The following LSS variants were observed in gnomAD, a reference collection of about 807,000 sequenced individuals.
LSS encodes lanosterol synthase.
LSS carries 90 observed loss-of-function variants against 110.3 expected under a neutral mutation model. The observed-to-expected ratio is 0.82, with a 90% CI of 0.69 to 0.97. LSS has a LOEUF of 0.97. Ranked by LOEUF, LSS falls within the 50% of genes least tolerant of loss-of-function variation. The probability of loss-of-function intolerance (pLI) is 0.00; values close to 1 mark genes in which losing one functional copy is unlikely to be tolerated. For missense variants in LSS, 927 were observed against 990.0 expected, an observed-to-expected ratio of 0.94 and a Z score of 0.85; for synonymous variants, 433 against 400.0, an observed-to-expected ratio of 1.08 and a Z score of -0.98.
intron 20 of LSS, chr21:46,192,667 A>G (rs1262287815): frequency 8.9e-6 from 4 of 447,248 alleles, no homozygotes; most frequent in Admixed American, 2.4e-5. Context: ...GCATGTGTAC[A>G]TGTGTGCATA....
rs755497204 is a variant in LSS at position 46,207,516 on chromosome 21, G to C, written c.1379C>G (p.Ala460Gly). ...GWIVSDCTAE[A>G]LKAVLLLQEK... is the part of the protein sequence containing the mutation. ...CTGCAGGAGCAGCACAGCCTTCAAG[G>C]CCTCAGCCGTGCAGTCAGAAACGAT... Residue 460 changes from alanine to glycine, a missense_variant, in exon 15 of 22, where the codon GCC becomes GGC. By Grantham distance (60) the Ala-to-Gly change is moderately conservative. Coordinates refer to ENST00000397728, the MANE Select transcript of LSS (RefSeq NM_002340.6). 6.2e-7 allele frequency: 1 copy of C among 1,612,250 alleles called. No individual in the cohort carries two copies.
At chr21:46,222,460 T>G in intron 4 of LSS, 170 bp downstream of exon 4, 1 of 599,752 alleles carries the variant, frequency 1.7e-6, no homozygotes, top group Non-Finnish European at 2.9e-6. Flanking sequence ...AGGCCCCACC[T>G]GCATGGCCTT....
At position 46,215,687 on chromosome 21, in the gene LSS, TATAC is replaced by T. The variant is rs1569031571; in HGVS notation, c.886_889del (p.Val296MetfsTer80). 2 of 1,608,934 alleles carry T rather than the reference TATAC, an allele frequency of 1.2e-6. No individual in the cohort carries two copies. Among genetic ancestry groups the T allele is most frequent in the South Asian group, 2.2e-5 (2 of 90,560 alleles). Reference sequence around the variant, plus strand: ...CCGGCCCCTCAGGAGGCGCTCACCATATACCACGCGGAGCAGCCAGCTGTGCGGC... The same window carrying T: ...CCGGCCCCTCAGGAGGCGCTCACCATCACGCGGAGCAGCCAGCTGTGCGGC... On this transcript the variant is annotated frameshift_variant, in exon 8 of 22. Coordinates refer to ENST00000397728, the MANE Select transcript of LSS (RefSeq NM_002340.6).
intron 4 of LSS, 54 bp downstream of exon 4, chr21:46,222,576 T>C: frequency 6.6e-7 from 1 of 1,506,858 alleles, no homozygotes; most frequent in Non-Finnish European, 9.2e-7. Flanking sequence ...ATCTCCTACA[T>C]CATGAGAACA....
At chr21:46,206,570 C>T (rs1601426679) in intron 16 of LSS, 102 bp downstream of exon 16, 6 of 1,001,514 alleles carry the variant, frequency 6.0e-6, no homozygotes, top group South Asian at 1.3e-5. Flanking sequence ...AACCTGGGCC[C>T]TTGCAGCCTC....
At chr21:46,192,881 A>G (rs1275567542) in intron 20 of LSS, 27 of 446,374 alleles carry the variant, frequency 6.0e-5, no homozygotes, top group Admixed American at 4.8e-4. Flanking sequence ...ATGTGTGCAC[A>G]GGTGCCTGTG....
rs960149969 is a variant in LSS at position 46,190,875 on chromosome 21, C to T, written c.*229G>A. On this transcript the variant is annotated 3_prime_UTR_variant, in exon 22 of 22. Coordinates refer to ENST00000397728, the MANE Select transcript of LSS (RefSeq NM_002340.6). This position sits in a 1 kb window ranked among gnomAD's most constrained non-coding sequence, Gnocchi z 4.6. ...CGGCTCCTGTGCCCCCTTCCTCACCCAAGCCCGACAAGCTACTTTCAGAAA... is the reference window on the plus strand; with the variant it reads ...CGGCTCCTGTGCCCCCTTCCTCACCTAAGCCCGACAAGCTACTTTCAGAAA... 1.8e-6 allele frequency: 1 copy of T among 547,622 alleles called. No individual in the cohort carries two copies. The highest frequency in any genetic ancestry group is 3.2e-6 in the Non-Finnish European group (1 of 316,744). 33.9% of individuals were successfully genotyped at this position (547,622 alleles called of 1,614,324 possible). A position where few individuals can be genotyped will look rare whatever the true frequency, so the allele number is the denominator to read the frequency against.
rs148512968 is a variant in LSS, at chr21:46,194,271, G to A, written c.1988+220C>T. ...GGTGGGTGGTTCACTTCTAAGAGGCGAGCCTCTCTGCAGGGCCCCACTTGG... is the reference window on the plus strand; with the variant it reads ...GGTGGGTGGTTCACTTCTAAGAGGCAAGCCTCTCTGCAGGGCCCCACTTGG... On this transcript the variant is annotated intron_variant, in intron 20 of 21. Coordinates refer to ENST00000397728, the MANE Select transcript of LSS (RefSeq NM_002340.6). 3.0e-3 allele frequency among the ~76,000 whole-genome samples: 454 copies of A among 152,290 alleles called. 2 individuals carry two copies. The highest frequency in any genetic ancestry group is 0.014 in the Middle Eastern group (4 of 294).
Position 46,189,592 on chromosome 21 carries a change from G to C in LSS, c.*1512C>G. On this transcript the variant is annotated 3_prime_UTR_variant, in exon 22 of 22. Coordinates refer to ENST00000397728, the MANE Select transcript of LSS (RefSeq NM_002340.6). ...GGTGCGGCACCTGGGTGAGAGCCCT[G>C]GACTGCACACCAAGGCAGAGGGGTG... 2.2e-6 allele frequency: 1 copy of C among 449,830 alleles called. No homozygotes were observed. Among genetic ancestry groups the C allele is most frequent in the East Asian group, 7.0e-5 (1 of 14,382 alleles). The allele number at this position is 449,830 out of a possible 1,614,324, so 27.9% of individuals were successfully genotyped here. A position where few individuals can be genotyped will look rare whatever the true frequency, so the allele number is the denominator to read the frequency against.
rs1188491803 is a variant in LSS at position 46,189,996 on chromosome 21, C to T, written c.*1108G>A. ...GCTAGAAGGGAGCTCACAGGATTGC[C>T]TGGGGAAGCCTCGGCCCAAAACCTG... On this transcript the variant is annotated 3_prime_UTR_variant, in exon 22 of 22. Coordinates refer to ENST00000397728, the MANE Select transcript of LSS (RefSeq NM_002340.6). 2 of 292,834 alleles carry T rather than the reference C, an allele frequency of 6.8e-6. No homozygotes were observed. Among genetic ancestry groups the T allele is most frequent in the South Asian group, 2.7e-5 (1 of 37,566 alleles). The allele number at this position is 292,834 out of a possible 1,614,324, so 18.1% of individuals were successfully genotyped here.
chr21:46,208,064 T>G (rs2080076872), intron 14 of LSS, among the ~76,000 whole-genome samples, 187 bp downstream of exon 14: 1 of 152,246 alleles, frequency 6.6e-6, no homozygotes, highest in Admixed American at 6.5e-5. Context: ...TGTGCCTCCA[T>G]GTGCCAGGCA....
Position 46,221,884 on chromosome 21 carries a change from C to G in LSS, c.520G>C (p.Val174Leu), listed in dbSNP as rs1016208726. Residue 174 changes from valine to leucine, a missense_variant, in exon 5 of 22, where the codon GTA becomes CTA. Transcript: ENST00000397728. ...LGVGPDDPDL[V>L]RARNILHKKG... Reference sequence around the variant, plus strand: ...TTGTGAAGAATGTTCCGGGCTCGTACCAGGTCAGGATCGTCAGGCCCAACA... The same window carrying G: ...TTGTGAAGAATGTTCCGGGCTCGTAGCAGGTCAGGATCGTCAGGCCCAACA... 4.3e-6 allele frequency: 7 copies of G among 1,614,028 alleles called. No homozygotes were observed. In the African/African-American group the frequency reaches 6.7e-5, roughly 15 times the overall value.
At chr21:46,208,113 C>T in intron 14 of LSS, 138 bp downstream of exon 14, 1 of 725,370 alleles carries the variant, frequency 1.4e-6, no homozygotes. Flanking sequence ...GGCCAGGCAT[C>T]CACCACAGCA....
Position 46,219,474 on chromosome 21 carries a change from A to G in LSS, c.647+2T>C. The G allele has an allele frequency of 6.3e-7, 1 of 1,584,526 alleles. No homozygotes were observed. Reference sequence around the variant, plus strand: ...CAACAACCCAATCAACAGCAGACATACCACATCTCTGGGAACAGGGTATTG... The same window carrying G: ...CAACAACCCAATCAACAGCAGACATGCCACATCTCTGGGAACAGGGTATTG... On this transcript the variant is annotated splice_donor_variant, in intron 6 of 21. Transcript: ENST00000397728. LOFTEE classifies it high-confidence loss of function.
Position 46,215,739 on chromosome 21 carries a change from CGTT to C in LSS, c.835_837del (p.Asn279del), listed in dbSNP as rs748889662. ...GGCGTGTACAGCTCGTCGGGGGCCACGTTGTTCCTCTGCGCCAGCCAGTCAATG... is the reference window on the plus strand; with the variant it reads ...GGCGTGTACAGCTCGTCGGGGGCCACGTTCCTCTGCGCCAGCCAGTCAATG... On this transcript the variant is annotated inframe_deletion, in exon 8 of 22. Coordinates refer to ENST00000397728, the MANE Select transcript of LSS (RefSeq NM_002340.6). 47 of 1,612,744 alleles carry C rather than the reference CGTT, an allele frequency of 2.9e-5. No individual in the cohort carries two copies. The highest frequency in any genetic ancestry group is 3.6e-5 in the Non-Finnish European group (43 of 1,179,498).
At chr21:46,224,655 G>A (rs2080315450) in intron 3 of LSS, 1 of 152,292 alleles carries the variant, frequency 6.6e-6, no homozygotes, top group African/African-American at 2.4e-5. Context: ...TTACAGGCAA[G>A]GAAACTGAGG....
intron 17 of LSS, among the ~76,000 whole-genome samples, chr21:46,199,944 C>T (rs796963383): frequency 2.8e-4 from 42 of 152,126 alleles, no homozygotes; most frequent in African/African-American, 9.6e-4. Flanking sequence ...GGACTCTGGA[C>T]GATAATAATT....
chr21:46,214,122 G>A (rs1396251474), intron 9 of LSS, among the ~76,000 whole-genome samples: 4 of 152,236 alleles, frequency 2.6e-5, no homozygotes, highest in Non-Finnish European at 5.9e-5. Flanking sequence ...GGGGTTCCAG[G>A]AGAAACCAGA....
Position 46,216,444 on chromosome 21 carries a change from CAGT to C in LSS, c.725_727del (p.Tyr242del). ...CGCGGCACTCAGCCGAACGGCGTAG[CAGT>C]AGCTCATGGGCAGGTACACCTGCCG... On this transcript the variant is annotated inframe_deletion, in exon 7 of 22. Coordinates refer to ENST00000397728, the MANE Select transcript of LSS (RefSeq NM_002340.6). The surrounding 1 kb of genome is among the most constrained non-coding windows in gnomAD (Gnocchi z 4.2). 6.2e-7 allele frequency: 1 copy of C among 1,613,816 alleles called. No homozygotes were observed. Among genetic ancestry groups the C allele is most frequent in the African/African-American group, 1.3e-5 (1 of 75,066 alleles).
Sources: gnomAD v4.1 joint callset for allele counts (sites outside exome capture counted in the v4.1 genomes callset) on GRCh38, gnomAD v4.1.1 for gene constraint, Gnocchi (gnomAD v3.1) non-coding constraint, MANE v1.5 for transcripts, NCBI Gene and HGNC (gene_info 2026-07-23, HGNC 2026-07-21) for gene names.